KDM4A: variants seen among roughly 807,000 people sequenced by gnomAD.
The protein encoded by KDM4A is lysine-specific demethylase 4A.
A neutral mutation model predicts 127.1 loss-of-function variants in KDM4A; 23 were observed. That is an observed-to-expected ratio of 0.18 (90% confidence interval 0.13 to 0.26). The LOEUF is 0.26. Among genes scored for constraint, KDM4A ranks in the 10% least tolerant of loss-of-function variants. The pLI is 1.00. For synonymous variants in KDM4A, 443 were observed against 466.5 expected (o/e 0.95, Z 0.65); for missense variants, 890 against 1,329.1 (o/e 0.67, Z 5.14).
At chr1:43,660,213 G>C (rs974988731) in intron 3 of KDM4A, 85 bp from the exon 4 acceptor site, 9 of 1,413,880 alleles carry the variant, frequency 6.4e-6, no homozygotes, top group Non-Finnish European at 8.9e-6. Context: ...GCTGTCACTG[G>C]AATAGGGGAT....
At chr1:43,655,549 C>T in intron 2 of KDM4A, 42 bp from the exon 3 acceptor site, 1 of 1,540,694 alleles carries the variant, frequency 6.5e-7, no homozygotes, top group Non-Finnish European at 8.8e-7. Context: ...ACTGGCTTGC[C>T]AGGTTTCTCA....
intron 11 of KDM4A, among the ~76,000 whole-genome samples, chr1:43,679,083 G>A (rs1660802740): frequency 6.6e-6 from 1 of 152,144 alleles, no homozygotes; most frequent in Admixed American, 6.5e-5. Flanking sequence ...AACTACCTCT[G>A]CTTAGTGCAA....
chr1:43,670,620 A>G (rs918359605), intron 10 of KDM4A, among the ~76,000 whole-genome samples: 8 of 146,824 alleles, frequency 5.4e-5, no homozygotes, highest in African/African-American at 1.6e-4. Context: ...CTGGAGTGCA[A>G]AGGCATGATC....
chr1:43,665,791 G>C, intron 6 of KDM4A, 46 bp downstream of exon 6: 1 of 1,597,902 alleles, frequency 6.3e-7, no homozygotes, highest in Non-Finnish European at 8.6e-7. Flanking sequence ...CCTATGAGCT[G>C]TGCTCCTTGC....
chr1:43,673,997 A>G (rs1660684957), intron 11 of KDM4A, among the ~76,000 whole-genome samples: 1 of 152,242 alleles, frequency 6.6e-6, no homozygotes. Flanking sequence ...GGTAGAGTGC[A>G]GTGGCACAGT....
intron 6 of KDM4A, among the ~76,000 whole-genome samples, 180 bp downstream of exon 6, chr1:43,665,925 C>T (rs535564345): frequency 1.3e-5 from 2 of 152,278 alleles, no homozygotes; most frequent in Admixed American, 1.3e-4. Flanking sequence ...CTTCCTTTGT[C>T]CTGACTGTCT....
intron 8 of KDM4A, 125 bp from the exon 9 acceptor site, chr1:43,667,647 C>T: frequency 1.5e-6 from 2 of 1,309,742 alleles, no homozygotes; most frequent in Non-Finnish European, 2.1e-6. Context: ...AGCCTGTGAA[C>T]CAAAACAATC....
intron 11 of KDM4A, among the ~76,000 whole-genome samples, chr1:43,675,498 A>C (rs1346612130): frequency 6.6e-6 from 1 of 152,210 alleles, no homozygotes; most frequent in South Asian, 2.1e-4. Context: ...ATCGAAGAGA[A>C]TCTGGGAGAG....
Position 43,663,113 on chromosome 1 carries a change from G to A in KDM4A, c.623+26G>A, listed in dbSNP as rs369996669. The A allele has an allele frequency of 2.8e-5, 44 of 1,594,294 alleles. No homozygotes were observed. The African/African-American group carries it at 3.5e-4, about 13-fold the overall frequency. ...GTACAGTCTGCCTGCAGTCGGCACC[G>A]GGCTTCTATGCTAGAGCACGGGCTC... On this transcript the variant is annotated intron_variant, in intron 5 of 21. Transcript: ENST00000372396.
chr1:43,691,355 G>T, intron 14 of KDM4A, 141 bp from the exon 15 acceptor site: 2 of 768,448 alleles, frequency 2.6e-6, no homozygotes, highest in East Asian at 2.5e-5. Flanking sequence ...CTGAGCCCTG[G>T]GGACTCAGAC....
At chr1:43,678,248 G>C (rs1031441512) in intron 11 of KDM4A, among the ~76,000 whole-genome samples, 1 of 152,092 alleles carries the variant, frequency 6.6e-6, no homozygotes, top group Non-Finnish European at 1.5e-5. Flanking sequence ...GGGTGGGAGG[G>C]TTGGTCTGTG....
At chr1:43,685,544 G>A (rs1660953709) in intron 12 of KDM4A, among the ~76,000 whole-genome samples, 1 of 151,894 alleles carries the variant, frequency 6.6e-6, no homozygotes, top group Non-Finnish European at 1.5e-5. Context: ...CGAGGCGGGT[G>A]GATCACAAGG....
In KDM4A at chr1:43,666,483, G is replaced by A. The variant is rs907496155; in HGVS notation, c.705G>A (p.Glu235=). 3.1e-6 allele frequency: 5 copies of A among 1,614,072 alleles called. No individual in the cohort carries two copies. Among genetic ancestry groups the A allele is most frequent in the Non-Finnish European group, 3.4e-6 (4 of 1,180,038 alleles). The part of the protein sequence containing the change: ...GFFPGSAQSC[E]AFLRHKMTLI... ...TCCCAGGAAGTGCTCAAAGCTGTGAGGCATTTCTCCGCCACAAGATGACCC... is the reference window on the plus strand; with the variant it reads ...TCCCAGGAAGTGCTCAAAGCTGTGAAGCATTTCTCCGCCACAAGATGACCC... The change falls in exon 7 of 22, where the codon GAG becomes GAA. Residue 235 remains glutamate (E), a synonymous_variant. Transcript: ENST00000372396.
intron 3 of KDM4A, among the ~76,000 whole-genome samples, chr1:43,659,919 G>T (rs1485786511): frequency 2.0e-5 from 3 of 152,184 alleles, no homozygotes; most frequent in Non-Finnish European, 4.4e-5. Flanking sequence ...TTCACATGCT[G>T]CTGGGTTTTG....
chr1:43,665,033 G>A (rs1339874780), intron 5 of KDM4A, among the ~76,000 whole-genome samples: 2 of 152,184 alleles, frequency 1.3e-5, no homozygotes, highest in African/African-American at 2.4e-5. Flanking sequence ...GTTACTGTGA[G>A]TTTCAGAATA....
intron 18 of KDM4A, among the ~76,000 whole-genome samples, chr1:43,695,878 T>C (rs542218046): frequency 6.6e-6 from 1 of 152,050 alleles, no homozygotes; most frequent in East Asian, 1.9e-4. Context: ...ATATTGAAGA[T>C]GACTCAGGTT....
At chr1:43,686,151 G>GTTTTTTTTTT (rs35512755) in intron 12 of KDM4A, among the ~76,000 whole-genome samples, 10 of 97,906 alleles carry the variant, frequency 1.0e-4, no homozygotes, top group East Asian at 3.1e-4. Context: ...TTTGTTTCTT[G>GTTTTTTTTTT]TTTTTTTTTT....
chr1:43,667,066 T>C lies in KDM4A; in HGVS notation c.890T>C (p.Ile297Thr). Residue 297 changes from isoleucine to threonine, a missense_variant, in exon 8 of 22, where the codon ATT becomes ACT. By Grantham distance (89) the Ile-to-Thr change is moderately conservative (BLOSUM62 -1). Coordinates refer to ENST00000372396, the MANE Select transcript of KDM4A (RefSeq NM_014663.3). ...ESTNFATRRW[I>T]EYGKQAVLCS... ...ACCAATTTTGCTACCCGTCGGTGGA[T>C]TGAGTACGGCAAGCAAGCTGTGCTG... is the stretch of plus-strand genomic sequence containing the variant. 6.2e-7 allele frequency: 1 copy of C among 1,614,210 alleles called. No homozygotes were observed. The highest frequency in any genetic ancestry group is 8.5e-7 in the Non-Finnish European group (1 of 1,180,042).
chr1:43,692,780 C>T (rs1181210475), intron 16 of KDM4A, among the ~76,000 whole-genome samples: 1 of 152,186 alleles, frequency 6.6e-6, no homozygotes, highest in Non-Finnish European at 1.5e-5. Context: ...CAGACAGGCC[C>T]ACCCACTATG....
Sources: gnomAD v4.1 joint callset for allele counts (sites outside exome capture counted in the v4.1 genomes callset) on GRCh38, gnomAD v4.1.1 for gene constraint, MANE v1.5 for transcripts, NCBI Gene and HGNC (gene_info 2026-07-23, HGNC 2026-07-21) for gene names.